The following CHRD variants were observed in gnomAD, a reference collection of about 807,000 sequenced individuals.
CHRD encodes chordin.
In CHRD, 69 loss-of-function variants were observed where a neutral mutation model predicts 113.7. The observed-to-expected ratio is 0.61, with a 90% CI of 0.50 to 0.74. CHRD has a LOEUF of 0.74. Among genes scored for constraint, CHRD ranks in the 30% least tolerant of loss-of-function variants. The pLI, the probability that CHRD is intolerant of heterozygous loss-of-function variation, is 0.00. For synonymous variants in CHRD, 561 were observed against 540.8 expected, an observed-to-expected ratio of 1.04 and a Z score of -0.52; for missense variants, 1,194 against 1,295.8, an observed-to-expected ratio of 0.92 and a Z score of 1.21.
At chr3:184,389,454 A>C (rs1319476927) in exon 23 of CHRD, 1 of 1,603,312 alleles carries the variant, frequency 6.2e-7, no homozygotes, top group Middle Eastern at 1.7e-4. Context: ...GACCAAGAGG[A>C]TGGGGCCTGA....
At position 184,381,381 on chromosome 3, in the gene CHRD, C is replaced by T. The variant is rs1290868283; in HGVS notation, c.382+17C>T. The T allele has an allele frequency of 3.8e-6, 6 of 1,587,820 alleles. No individual in the cohort carries two copies. Among genetic ancestry groups the T allele is most frequent in the South Asian group, 2.3e-5 (2 of 88,608 alleles). ...GCCCCCAGGGTAAGTCTTGCTCCGC[C>T]CTGCGGGGAGGGAGGCAGGGCCACG... On this transcript the variant is annotated intron_variant, in intron 3 of 22. Coordinates refer to ENST00000204604, the Ensembl canonical transcript of CHRD. The surrounding 1 kb of genome is among the most constrained non-coding windows in gnomAD (Gnocchi z 4.7).
rs375176972 is a variant in CHRD, at chr3:184,383,179, G to T, written c.1213+16G>T. ...AGCTGCGACGGTGAGGCGGGGGGGGGGCCTGGTGCGCCGGGCATGCACAAC... is the reference window on the plus strand; with the variant it reads ...AGCTGCGACGGTGAGGCGGGGGGGGTGCCTGGTGCGCCGGGCATGCACAAC... On this transcript the variant is annotated intron_variant, in intron 10 of 22. Transcript: ENST00000204604. 2.8e-5 allele frequency: 44 copies of T among 1,593,834 alleles called. No individual in the cohort carries two copies. Among genetic ancestry groups the T allele is most frequent in the South Asian group, 1.0e-4 (9 of 88,862 alleles).
Position 184,381,473 on chromosome 3 carries a change from T to C in CHRD, c.383-23T>C, listed in dbSNP as rs775833174. The C allele has an allele frequency of 1.3e-6, 2 of 1,587,508 alleles. No homozygotes were observed. Among genetic ancestry groups the C allele is most frequent in the Non-Finnish European group, 1.7e-6 (2 of 1,167,528 alleles). Reference sequence around the variant, plus strand: ...CTTTCCCATGGCCAGCTGAAGCCCGTGTTCTTACCCCCCCGCCCGCAGAGC... The same window carrying C: ...CTTTCCCATGGCCAGCTGAAGCCCGCGTTCTTACCCCCCCGCCCGCAGAGC... On this transcript the variant is annotated intron_variant, in intron 3 of 22. Transcript: ENST00000204604. This position sits in a 1 kb window ranked among gnomAD's most constrained non-coding sequence, Gnocchi z 4.7.
chr3:184,386,208 G>T (rs775243118), intron 15 of CHRD, 49 bp downstream of exon 15: 1 of 1,572,930 alleles, frequency 6.4e-7, no homozygotes, highest in Admixed American at 1.7e-5. Context: ...GTGCAGAGTT[G>T]GAGGGGCACT....
rs1362170231 is a variant in CHRD, at chr3:184,381,398, AG to A, written c.382+37del. On this transcript the variant is annotated intron_variant, in intron 3 of 22. Transcript: ENST00000204604. The surrounding 1 kb of genome is among the most constrained non-coding windows in gnomAD (Gnocchi z 4.7). ...TGCTCCGCCCTGCGGGGAGGGAGGC[AG>A]GGCCACGATACTAGGTCCCGGGCCA... is the stretch of plus-strand genomic sequence containing the variant. 6.3e-6 allele frequency: 10 copies of A among 1,595,416 alleles called. No homozygotes were observed. The South Asian group carries it at 1.1e-4, about 18-fold the overall frequency.
downstream of CHRD, chr3:184,390,187 T>A (rs1377120368): frequency 2.8e-5 from 1 of 36,228 alleles, no homozygotes. Flanking sequence ...CCCTTCCCTT[T>A]CTTTCCCTCC....
rs1384588991 is a variant in CHRD, at chr3:184,381,698, A to G, written c.512-18A>G. 2.5e-6 allele frequency: 4 copies of G among 1,612,018 alleles called. No individual in the cohort carries two copies. Among genetic ancestry groups the G allele is most frequent in the African/African-American group, 2.7e-5 (2 of 75,046 alleles). On this transcript the variant is annotated intron_variant, in intron 4 of 22. Coordinates refer to ENST00000204604, the Ensembl canonical transcript of CHRD. This position sits in a 1 kb window ranked among gnomAD's most constrained non-coding sequence, Gnocchi z 4.7. Reference sequence around the variant, plus strand: ...AGCGGCGTTTGACAGTGCTCAGGCCATCTTCCTCCCGTCCCAGACTTCGTG... The same window carrying G: ...AGCGGCGTTTGACAGTGCTCAGGCCGTCTTCCTCCCGTCCCAGACTTCGTG...
chr3:184,390,286 C>T (rs928225071), downstream of CHRD: 3 of 143,978 alleles, frequency 2.1e-5, no homozygotes, highest in East Asian at 4.4e-4. Flanking sequence ...CCTTCGTTCA[C>T]AGCAATGGGG....
chr3:184,385,103 C>A, exon 14 of CHRD: 1 of 1,614,168 alleles, frequency 6.2e-7, no homozygotes, highest in Non-Finnish European at 8.5e-7. Context: ...CCTTGGATAC[C>A]CACTGTCACC....
Position 184,381,412 on chromosome 3 carries a change from A to G in CHRD, c.382+48A>G. The G allele has an allele frequency of 6.3e-7, 1 of 1,599,382 alleles. No homozygotes were observed. The highest frequency in any genetic ancestry group is 8.5e-7 in the Non-Finnish European group (1 of 1,173,312). The stretch of plus-strand genomic sequence containing the variant: ...GGGAGGGAGGCAGGGCCACGATACT[A>G]GGTCCCGGGCCACTTGGATGGGGCG... On this transcript the variant is annotated intron_variant, in intron 3 of 22. Transcript: ENST00000204604. The surrounding 1 kb of genome is among the most constrained non-coding windows in gnomAD (Gnocchi z 4.7).
At chr3:184,380,057 G>A (rs1715006171), upstream of CHRD, 1 of 145,538 alleles carries the variant, frequency 6.9e-6, no homozygotes, top group African/African-American at 2.5e-5. The surrounding 1 kb of genome is among the most constrained non-coding windows in gnomAD (Gnocchi z 6.3). Context: ...GCCCGGGGCA[G>A]TAGAGCCGCG....
chr3:184,387,076 A>G lies in CHRD; in HGVS notation c.2316A>G (p.Pro772=), dbSNP rs145052186. 2.9e-3 allele frequency: 4,741 copies of G among 1,614,058 alleles called. 171 individuals are homozygous for G. The Admixed American group carries it at 0.065, about 22-fold the overall frequency. ...AGAAACAAGATGTCAGAGACTTGCC[A>G]GGGCTGCCAAGGAGCCGGGACCCAG... Residue 772 remains proline (P), a synonymous_variant, in exon 18 of 23, where the codon CCA becomes CCG. Coordinates refer to ENST00000204604, the Ensembl canonical transcript of CHRD. The surrounding 1 kb of genome is among the most constrained non-coding windows in gnomAD (Gnocchi z 6.1).
In CHRD at chr3:184,387,325, C is replaced by T; in HGVS notation, c.2348-49C>T. On this transcript the variant is annotated intron_variant, in intron 18 of 22. Transcript: ENST00000204604. This position sits in a 1 kb window ranked among gnomAD's most constrained non-coding sequence, Gnocchi z 6.1. ...TGAGGCTCAAGCCTTGGTTGTGGGC[C>T]CAGCTGATGAGCTCATACTAATGGC... 2 of 1,561,272 alleles carry T rather than the reference C, an allele frequency of 1.3e-6. No individual in the cohort carries two copies. Among genetic ancestry groups the T allele is most frequent in the Non-Finnish European group, 1.7e-6 (2 of 1,152,950 alleles).
Position 184,384,996 on chromosome 3 carries a change from T to G in CHRD, c.1598-22T>G, listed in dbSNP as rs574293429. 3.7e-6 allele frequency: 6 copies of G among 1,610,528 alleles called. No individual in the cohort carries two copies. The East Asian group carries it at 1.1e-4, about 30-fold the overall frequency. On this transcript the variant is annotated intron_variant, in intron 13 of 22. Coordinates refer to ENST00000204604, the Ensembl canonical transcript of CHRD. The surrounding 1 kb of genome is among the most constrained non-coding windows in gnomAD (Gnocchi z 4.4). ...CCCTAGGCCACCTTCTCACCTGTCA[T>G]CTCTCCTCTGTCTGGACCCAGCGCT...
In CHRD at chr3:184,380,780, G is replaced by T; in HGVS notation, c.237G>T (p.Leu79=). 1 of 1,596,732 alleles carries T rather than the reference G, an allele frequency of 6.3e-7. No homozygotes were observed. Among genetic ancestry groups the T allele is most frequent in the South Asian group, 1.1e-5 (1 of 89,744 alleles). The change falls in exon 2 of 23, where the codon CTG becomes CTT. Residue 79 remains leucine, a synonymous_variant. Coordinates refer to ENST00000204604, the Ensembl canonical transcript of CHRD. This position sits in a 1 kb window ranked among gnomAD's most constrained non-coding sequence, Gnocchi z 6.3. ...CATTCGGGGTGATGCGCTGCGTGCT[G>T]TGCGCCTGCGAGGCGGTGAGTGCAC...
rs765107722 is a variant in CHRD at position 184,384,975 on chromosome 3, A to G, written c.1598-43A>G. 1 of 1,592,946 alleles carries G rather than the reference A, an allele frequency of 6.3e-7. No individual in the cohort carries two copies. Among genetic ancestry groups the G allele is most frequent in the Non-Finnish European group, 8.6e-7 (1 of 1,163,608 alleles). Reference sequence around the variant, plus strand: ...AATGCTGGGTTTGAGGGCTTGCCCTAGGCCACCTTCTCACCTGTCATCTCT... The same window carrying G: ...AATGCTGGGTTTGAGGGCTTGCCCTGGGCCACCTTCTCACCTGTCATCTCT... On this transcript the variant is annotated intron_variant, in intron 13 of 22. Transcript: ENST00000204604. This position sits in a 1 kb window ranked among gnomAD's most constrained non-coding sequence, Gnocchi z 4.4.
At position 184,387,294 on chromosome 3, in the gene CHRD, G is replaced by A. The variant is rs901933819; in HGVS notation, c.2348-80G>A. 9 of 1,489,836 alleles carry A rather than the reference G, an allele frequency of 6.0e-6. No homozygotes were observed. In the African/African-American group the frequency reaches 1.1e-4, roughly 18 times the overall value. The allele number at this position is 1,489,836 out of a possible 1,614,324, so 92.3% of individuals were successfully genotyped here. On this transcript the variant is annotated intron_variant, in intron 18 of 22. Coordinates refer to ENST00000204604, the Ensembl canonical transcript of CHRD. This position sits in a 1 kb window ranked among gnomAD's most constrained non-coding sequence, Gnocchi z 6.1. ...GCCCTTGGCTTAGGCTCGTGTGGGG[G>A]TGGCCTGAGGCTCAAGCCTTGGTTG...
chr3:184,387,889 G>A lies in CHRD; in HGVS notation c.2452-42G>A. On this transcript the variant is annotated intron_variant, in intron 19 of 22. Transcript: ENST00000204604. This position sits in a 1 kb window ranked among gnomAD's most constrained non-coding sequence, Gnocchi z 6.1. ...GAGAGGGAGTGGGCAGGAGGCTTAT[G>A]TGCCCCCTGCCTGACACTCCTTGCT... The A allele has an allele frequency of 6.6e-7, 1 of 1,524,652 alleles. No individual in the cohort carries two copies. Among genetic ancestry groups the A allele is most frequent in the Non-Finnish European group, 9.0e-7 (1 of 1,110,536 alleles). The allele number at this position is 1,524,652 out of a possible 1,614,324, so 94.4% of individuals were successfully genotyped here.
exon 23 of CHRD, chr3:184,389,492 T>C (rs1716884891): frequency 7.2e-7 from 1 of 1,389,002 alleles, no homozygotes; most frequent in Non-Finnish European, 1.0e-6. Context: ...ATCGAGGACC[T>C]TCTTGCATTC....
Sources: gnomAD v4.1 joint callset for allele counts on GRCh38, gnomAD v4.1.1 for gene constraint, Gnocchi (gnomAD v3.1) non-coding constraint, MANE v1.5 for transcripts, NCBI Gene and HGNC (gene_info 2026-07-23, HGNC 2026-07-21) for gene names.